RTF1: variants seen among roughly 807,000 people sequenced by gnomAD.
The protein encoded by RTF1 is RNA polymerase-associated protein RTF1 homolog.
A neutral mutation model predicts 95.7 loss-of-function variants in RTF1; 10 were observed. That is an observed-to-expected ratio of 0.10 (90% CI 0.06 to 0.18). The LOEUF (loss-of-function observed/expected upper bound fraction) is 0.18, where lower values mean the gene tolerates loss of function less well. Among genes scored for constraint, RTF1 ranks in the 10% least tolerant of loss-of-function variants. RTF1 has a pLI of 1.00. For missense variants in RTF1, 458 were observed against 875.6 expected (o/e 0.52, Z 6.02); for synonymous variants, 305 against 311.8 (o/e 0.98, Z 0.23).
intron 8 of RTF1, among the ~76,000 whole-genome samples, chr15:41,472,122 C>G (rs2050915279): frequency 6.6e-6 from 1 of 151,920 alleles, no homozygotes; most frequent in African/African-American, 2.4e-5. Flanking sequence ...TGGTCTTGAA[C>G]TCTTGACCTT....
Position 41,475,746 on chromosome 15 carries a change from A to G in RTF1, c.1409A>G (p.Asp470Gly). 1 of 1,610,050 alleles carries G rather than the reference A, an allele frequency of 6.2e-7. No individual in the cohort carries two copies. The highest frequency in any genetic ancestry group is 8.5e-7 in the Non-Finnish European group (1 of 1,176,724). ...FSAGMQLPTL[D>G]EINKKELSIK... ...GCTGGCATGCAGTTGCCCACTCTAG[A>G]TGAAATCAATAAAAAGGAATTATCT... Residue 470 changes from aspartate to glycine, a missense_variant, in exon 11 of 18, where the codon GAT becomes GGT. Transcript: ENST00000389629.
chr15:41,443,811 T>G (rs1037785989), intron 2 of RTF1, among the ~76,000 whole-genome samples: 39 of 152,064 alleles, frequency 2.6e-4, no homozygotes, highest in African/African-American at 9.2e-4. Flanking sequence ...CTCACGCCTG[T>G]AATCTCAGCA....
intron 2 of RTF1, among the ~76,000 whole-genome samples, chr15:41,450,870 G>C (rs1432127710): frequency 6.6e-6 from 1 of 151,984 alleles, no homozygotes; most frequent in Admixed American, 6.6e-5. Flanking sequence ...AGGATCACTT[G>C]AACCTGGGAG....
Position 41,482,367 on chromosome 15 carries a change from A to C in RTF1, c.*1680A>C, listed in dbSNP as rs2050981619. The C allele has an allele frequency of 6.6e-6, 1 of 152,618 alleles. No individual in the cohort carries two copies. The highest frequency in any genetic ancestry group is 2.4e-5 in the African/African-American group (1 of 41,420). 9.5% of individuals were successfully genotyped at this position (152,618 alleles called of 1,614,324 possible). The stretch of plus-strand genomic sequence containing the variant: ...GGAACAGCTGAGAGCTCCGATCTCC[A>C]CGAGAGACTAATCTAAAAGCTCTGC... On this transcript the variant is annotated 3_prime_UTR_variant, in exon 18 of 18. Transcript: ENST00000389629.
At chr15:41,421,410 C>T (rs1385818741) in intron 1 of RTF1, among the ~76,000 whole-genome samples, 1 of 149,852 alleles carries the variant, frequency 6.7e-6, no homozygotes, top group Non-Finnish European at 1.5e-5. Context: ...GAGCCGAGAT[C>T]GTGCCATTGC....
chr15:41,417,221 A>G lies in RTF1; in HGVS notation c.106A>G (p.Ser36Gly). 1 of 1,260,414 alleles carries G rather than the reference A, an allele frequency of 7.9e-7. No homozygotes were observed. Among genetic ancestry groups the G allele is most frequent in the Admixed American group, 4.2e-5 (1 of 23,786 alleles). The allele number at this position is 1,260,414 out of a possible 1,614,324, so 78.1% of individuals were successfully genotyped here. A position where few individuals can be genotyped will look rare whatever the true frequency, so the allele number is the denominator to read the frequency against. Reference sequence around the variant, plus strand: ...GAGTCCGGGCGGCGGCCGGCGTGGGAGCCGGGGGACCACCATGGTAAAGAA... The same window carrying G: ...GAGTCCGGGCGGCGGCCGGCGTGGGGGCCGGGGGACCACCATGGTAAAGAA... ...EGSPGGGRRG[S>G]RGTTMVKKRK... is the part of the protein sequence containing the mutation. The change falls in exon 1 of 18, where the codon AGC (serine) becomes GGC (glycine). Residue 36 changes from serine (S) to glycine (G), a missense_variant. Physicochemically the swap from Ser to Gly is moderately conservative, Grantham distance 56. Transcript: ENST00000389629.
chr15:41,430,238 G>A (rs867902918), intron 1 of RTF1, among the ~76,000 whole-genome samples: 27 of 146,876 alleles, frequency 1.8e-4, no homozygotes, highest in Middle Eastern at 3.5e-3. Context: ...GTGCAGTGGC[G>A]CGATCTCGGC....
intron 1 of RTF1, among the ~76,000 whole-genome samples, chr15:41,430,664 C>T (rs1008893627): frequency 6.6e-6 from 1 of 151,452 alleles, no homozygotes; most frequent in Non-Finnish European, 1.5e-5. Flanking sequence ...TCGCTTGAAC[C>T]TGGGAGGCAA....
chr15:41,421,084 G>C, intron 1 of RTF1, among the ~76,000 whole-genome samples: 1 of 151,490 alleles, frequency 6.6e-6, no homozygotes, highest in Non-Finnish European at 1.5e-5. Flanking sequence ...CACTTTGGGA[G>C]GCCAAAGTGG....
At chr15:41,476,098 A>G (rs963180809) in intron 11 of RTF1, among the ~76,000 whole-genome samples, 1 of 152,210 alleles carries the variant, frequency 6.6e-6, no homozygotes, top group East Asian at 1.9e-4. Flanking sequence ...AGGGGTCTGT[A>G]TTCTGCTAGG....
At position 41,462,831 on chromosome 15, in the gene RTF1, T is replaced by C. The variant is rs547500520; in HGVS notation, c.663-1940T>C. On this transcript the variant is annotated intron_variant, in intron 4 of 17. Transcript: ENST00000389629. The stretch of plus-strand genomic sequence containing the variant: ...AGTGCTGTGGCATGATTATAGCTCA[T>C]TGAAGCCTCGACCTCCTGTGTTCAA... 3.9e-5 allele frequency among the ~76,000 whole-genome samples: 6 copies of C among 152,190 alleles called. No individual in the cohort carries two copies. In the South Asian group the frequency reaches 8.3e-4, roughly 21 times the overall value.
chr15:41,437,446 A>G (rs1281544654), intron 1 of RTF1, among the ~76,000 whole-genome samples: 6 of 152,032 alleles, frequency 3.9e-5, no homozygotes, highest in Non-Finnish European at 8.8e-5. Flanking sequence ...TAGTAAGCCG[A>G]GGTCGCACCA....
chr15:41,464,468 C>T (rs543446415), intron 4 of RTF1, among the ~76,000 whole-genome samples: 4 of 150,922 alleles, frequency 2.7e-5, no homozygotes, highest in South Asian at 2.1e-4. Flanking sequence ...AGGATGGTCT[C>T]GATCTCTTGA....
intron 1 of RTF1, among the ~76,000 whole-genome samples, chr15:41,427,611 T>C (rs1407269746): frequency 6.6e-6 from 1 of 151,916 alleles, no homozygotes; most frequent in Non-Finnish European, 1.5e-5. Context: ...GCTTAGGAGG[T>C]TGAGGCTGCA....
At chr15:41,473,706 G>A in intron 8 of RTF1, among the ~76,000 whole-genome samples, 1 of 152,012 alleles carries the variant, frequency 6.6e-6, no homozygotes, top group East Asian at 1.9e-4. Context: ...AGGACTGTAG[G>A]TGCACACCAC....
At chr15:41,429,455 T>C (rs2050657568) in intron 1 of RTF1, among the ~76,000 whole-genome samples, 2 of 151,400 alleles carry the variant, frequency 1.3e-5, no homozygotes, top group African/African-American at 2.4e-5. Flanking sequence ...TTTTTCTCTC[T>C]CTCTCTCTTT....
chr15:41,478,486 C>G (rs1350364609), intron 14 of RTF1, 62 bp from the exon 15 acceptor site: 1 of 1,188,658 alleles, frequency 8.4e-7, no homozygotes, highest in South Asian at 1.2e-5. Context: ...TGCCTGTGAG[C>G]TTATGGTGAA....
intron 2 of RTF1, among the ~76,000 whole-genome samples, 172 bp downstream of exon 2, chr15:41,438,603 G>A (rs2050717025): frequency 6.6e-6 from 1 of 152,136 alleles, no homozygotes; most frequent in African/African-American, 2.4e-5. Flanking sequence ...GCTCTCTCCT[G>A]TAATCCCAGC....
At chr15:41,427,304 A>G (rs1413711063) in intron 1 of RTF1, among the ~76,000 whole-genome samples, 2 of 147,126 alleles carry the variant, frequency 1.4e-5, no homozygotes, top group South Asian at 2.3e-4. Flanking sequence ...GGCACCCGCC[A>G]CCATGCCCGG....
Sources: gnomAD v4.1 joint callset for allele counts (sites outside exome capture counted in the v4.1 genomes callset) on GRCh38, gnomAD v4.1.1 for gene constraint, MANE v1.5 for transcripts, NCBI Gene and HGNC (gene_info 2026-07-23, HGNC 2026-07-21) for gene names.